The following FSTL4 variants were observed in gnomAD, a reference collection of about 807,000 sequenced individuals.
FSTL4 encodes the protein follistatin-related protein 4.
Under a neutral mutation model 78.2 loss-of-function variants are expected in FSTL4, and 28 were observed. The ratio of observed to expected loss-of-function variants is 0.36; its 90% CI spans 0.27 to 0.49. The LOEUF is 0.49. Ranked by LOEUF, FSTL4 falls within the 20% of genes least tolerant of loss-of-function variation. FSTL4 has a pLI of 0.98. For synonymous variants in FSTL4, 422 were observed against 440.5 expected, an observed-to-expected ratio of 0.96 and a Z score of 0.53; for missense variants, 922 against 1,084.9, an observed-to-expected ratio of 0.85 and a Z score of 2.11.
chr5:133,825,515 T>C, the FSTL4 span, among the ~76,000 whole-genome samples: 262 of 152,380 alleles, frequency 1.7e-3, 6 homozygotes, highest in East Asian at 0.044. Flanking sequence ...GAAATTGAAC[T>C]GAATTAGCTT....
At chr5:133,759,675 A>G in the FSTL4 span, among the ~76,000 whole-genome samples, 7 of 152,214 alleles carry the variant, frequency 4.6e-5, no homozygotes, top group Middle Eastern at 3.2e-3. Flanking sequence ...ATGTTTCTCT[A>G]ACTGTGGACC....
intron 4 of FSTL4, among the ~76,000 whole-genome samples, chr5:133,325,066 G>T (rs1472986342): frequency 6.6e-6 from 1 of 152,224 alleles, no homozygotes; most frequent in Non-Finnish European, 1.5e-5. Flanking sequence ...AGCTGCCTGG[G>T]AATTGCTTCT....
the FSTL4 span, among the ~76,000 whole-genome samples, chr5:133,658,341 C>T: frequency 6.6e-6 from 1 of 152,060 alleles, no homozygotes; most frequent in African/African-American, 2.4e-5. Flanking sequence ...GCAACATTTT[C>T]AGATTGGGAT....
the FSTL4 span, among the ~76,000 whole-genome samples, chr5:133,770,624 T>C: frequency 0.2 from 29,720 of 152,192 alleles, 3,214 homozygotes; most frequent in East Asian, 0.41. Context: ...ATTAGCCCTT[T>C]GTAAGATGCA....
the FSTL4 span, among the ~76,000 whole-genome samples, chr5:133,628,311 T>C: frequency 6.6e-6 from 1 of 151,830 alleles, no homozygotes; most frequent in Non-Finnish European, 1.5e-5. Context: ...TTCAAAAAAA[T>C]CAGTGCATCA....
intron 3 of FSTL4, among the ~76,000 whole-genome samples, chr5:133,498,058 TCTG>T (rs1758407563): frequency 6.6e-6 from 1 of 152,258 alleles, no homozygotes; most frequent in South Asian, 2.1e-4. Flanking sequence ...GAGGGAAGCC[TCTG>T]CTATCCCATA....
At chr5:133,554,048 C>T (rs1447078267) in intron 3 of FSTL4, among the ~76,000 whole-genome samples, 1 of 152,212 alleles carries the variant, frequency 6.6e-6, no homozygotes, top group South Asian at 2.1e-4. Flanking sequence ...CTCATCTATA[C>T]AAATAAGGGG....
chr5:133,608,114 T>C lies in FSTL4; in HGVS notation c.-10-4121A>G, dbSNP rs978218121. Reference sequence around the variant, plus strand: ...ATGCAAGAATCTCCCCATTATAGAATTGGGAAGGTGCCATCCATAAGGTCA... The same window carrying C: ...ATGCAAGAATCTCCCCATTATAGAACTGGGAAGGTGCCATCCATAAGGTCA... On this transcript the variant is annotated intron_variant, in intron 1 of 15. Coordinates refer to ENST00000265342, the MANE Select transcript of FSTL4 (RefSeq NM_015082.2). Among the ~76,000 whole-genome samples, 16 of 152,308 alleles carry C rather than the reference T, an allele frequency of 1.1e-4. No homozygotes were observed. In the Middle Eastern group the frequency reaches 0.024, roughly 227 times the overall value.
At chr5:133,455,413 G>A (rs1490385375) in intron 3 of FSTL4, among the ~76,000 whole-genome samples, 6 of 152,204 alleles carry the variant, frequency 3.9e-5, no homozygotes, top group African/African-American at 1.4e-4. Context: ...ACTTCTGGGC[G>A]AAGGTAAAAC....
At chr5:133,407,246 G>A (rs1021100421) in intron 3 of FSTL4, among the ~76,000 whole-genome samples, 12 of 152,152 alleles carry the variant, frequency 7.9e-5, no homozygotes, top group African/African-American at 2.9e-4. Flanking sequence ...GTCATGCATG[G>A]ACACCTGGCC....
At position 133,539,580 on chromosome 5, in the gene FSTL4, A is replaced by C. The variant is rs1172107101; in HGVS notation, c.160+27606T>G. Reference sequence around the variant, plus strand: ...CACACATCAGGTGCTGATGCATAGCAGTTCTGCAATTTAGCCAGTACTTGT... The same window carrying C: ...CACACATCAGGTGCTGATGCATAGCCGTTCTGCAATTTAGCCAGTACTTGT... On this transcript the variant is annotated intron_variant, in intron 3 of 15. Transcript: ENST00000265342. Among the ~76,000 whole-genome samples, 4 of 152,248 alleles carry C rather than the reference A, an allele frequency of 2.6e-5. No homozygotes were observed. The East Asian group carries it at 7.7e-4, about 29-fold the overall frequency.
rs138106508 is a variant in FSTL4 at position 133,503,252 on chromosome 5, G to A, written c.160+63934C>T. The stretch of plus-strand genomic sequence containing the variant: ...AAGCAAAGATGAGTTGGTTAGAAAC[G>A]GAGATATGATGGTAAATGTTAAACA... On this transcript the variant is annotated intron_variant, in intron 3 of 15. Coordinates refer to ENST00000265342, the MANE Select transcript of FSTL4 (RefSeq NM_015082.2). Among the ~76,000 whole-genome samples, 1,195 of 152,268 alleles carry A rather than the reference G, an allele frequency of 7.8e-3. 16 individuals carry two copies. Among genetic ancestry groups the A allele is most frequent in the African/African-American group, 0.027 (1,123 of 41,550 alleles).
chr5:133,580,375 C>T (rs1038425214), intron 2 of FSTL4, among the ~76,000 whole-genome samples: 3 of 152,196 alleles, frequency 2.0e-5, no homozygotes, highest in African/African-American at 4.8e-5. Flanking sequence ...ATCATCCCTT[C>T]GTTTGTTCAT....
chr5:133,769,245 C>T, the FSTL4 span, among the ~76,000 whole-genome samples: 3 of 152,202 alleles, frequency 2.0e-5, no homozygotes, highest in Non-Finnish European at 2.9e-5. Context: ...AGCCATCATG[C>T]CTGCCACAGG....
At chr5:133,502,901 T>C (rs930264136) in intron 3 of FSTL4, among the ~76,000 whole-genome samples, 5 of 152,208 alleles carry the variant, frequency 3.3e-5, no homozygotes, top group Admixed American at 1.3e-4. Flanking sequence ...CACTGAATTC[T>C]TTCGATTGAT....
the FSTL4 span, among the ~76,000 whole-genome samples, chr5:133,642,287 TC>T: frequency 6.6e-6 from 1 of 151,860 alleles, no homozygotes; most frequent in East Asian, 1.9e-4. Flanking sequence ...CAAAGATGAG[TC>T]CCCAACAGAG....
At chr5:133,678,525 T>A in the FSTL4 span, among the ~76,000 whole-genome samples, 1 of 151,444 alleles carries the variant, frequency 6.6e-6, no homozygotes, top group Non-Finnish European at 1.5e-5. Flanking sequence ...TTAACCGAGA[T>A]GGGGAAGCCT....
At chr5:133,359,055 C>A (rs1047962067) in intron 4 of FSTL4, among the ~76,000 whole-genome samples, 1 of 152,192 alleles carries the variant, frequency 6.6e-6, no homozygotes, top group Admixed American at 6.6e-5. Context: ...TGCTCTTAAC[C>A]TGTTGGCATT....
intron 3 of FSTL4, among the ~76,000 whole-genome samples, chr5:133,458,917 C>A (rs1457551488): frequency 1.3e-5 from 2 of 152,210 alleles, no homozygotes; most frequent in Non-Finnish European, 2.9e-5. Context: ...GGTGCACACA[C>A]ACCTGTTGTA....
Sources: allele counts gnomAD v4.1 joint callset (sites outside exome capture counted in the v4.1 genomes callset), GRCh38; gene constraint gnomAD v4.1.1; transcripts MANE v1.5; gene names NCBI Gene and HGNC (gene_info 2026-07-23, HGNC 2026-07-21).